The following TSC2 variants were observed in gnomAD, a reference collection of about 807,000 sequenced individuals.
The protein encoded by TSC2 is tuberin.
TSC2 carries 29 observed loss-of-function variants against 202.2 expected under a neutral mutation model. The ratio of observed to expected loss-of-function variants is 0.14; its 90% CI spans 0.11 to 0.20. TSC2 has a LOEUF of 0.20. TSC2 is among the 10% of genes least tolerant of loss of function. The probability of loss-of-function intolerance (pLI) is 1.00; values close to 1 mark genes in which losing one functional copy is unlikely to be tolerated. For synonymous variants in TSC2, 1,349 were observed against 1,044.0 expected, an observed-to-expected ratio of 1.29 and a Z score of -5.63; for missense variants, 2,429 against 2,420.0, an observed-to-expected ratio of 1.00 and a Z score of -0.08.
intron 16 of TSC2, among the ~76,000 whole-genome samples, chr16:2,070,077 G>A (rs1376400386): frequency 1.3e-5 from 2 of 152,220 alleles, no homozygotes; most frequent in African/African-American, 2.4e-5. Context: ...GGAGGCAACA[G>A]ATGCTCTTCA....
chr16:2,074,580 C>G (rs887506427), intron 22 of TSC2, 191 bp downstream of exon 22: 3 of 689,346 alleles, frequency 4.4e-6, no homozygotes, highest in African/African-American at 3.5e-5. Context: ...GGCGGCTCCT[C>G]TCACCCCTCT....
chr16:2,052,499 A>G (rs2085258246), intron 3 of TSC2, among the ~76,000 whole-genome samples: 1 of 152,142 alleles, frequency 6.6e-6, no homozygotes, highest in Non-Finnish European at 1.5e-5. Flanking sequence ...TTGTCGTGAC[A>G]GGGTCTCACT....
At chr16:2,067,833 G>A (rs570621273) in intron 16 of TSC2, among the ~76,000 whole-genome samples, 1 of 152,294 alleles carries the variant, frequency 6.6e-6, no homozygotes, top group African/African-American at 2.4e-5. Flanking sequence ...TGAGCACCAT[G>A]CTCTTTACTG....
rs184559191 is a variant in TSC2 at position 2,073,621 on chromosome 16, A to T, written c.2356-579A>T. On this transcript the variant is annotated intron_variant, in intron 21 of 41. Coordinates refer to ENST00000219476, the MANE Select transcript of TSC2 (RefSeq NM_000548.5). The stretch of plus-strand genomic sequence containing the variant: ...GTTCCCATCCCTCAGGCTCAGCCCC[A>T]CCCTGTTGGGCCCCTTCAGCCCCTC... Among the ~76,000 whole-genome samples the T allele has an allele frequency of 2.0e-3, 300 of 152,088 alleles. 2 individuals carry two copies. The highest frequency in any genetic ancestry group is 7.0e-3 in the African/African-American group (289 of 41,446).
Position 2,065,818 on chromosome 16 carries a change from A to G in TSC2, c.1716+183A>G, listed in dbSNP as rs8063461. Among the ~76,000 whole-genome samples the G allele has an allele frequency of 0.57, 86,119 of 152,016 alleles. 25,506 individuals carry two copies. The highest frequency in any genetic ancestry group is 0.84 in the East Asian group (4,350 of 5,164). On this transcript the variant is annotated intron_variant, in intron 16 of 41. Coordinates refer to ENST00000219476, the MANE Select transcript of TSC2 (RefSeq NM_000548.5). Reference sequence around the variant, plus strand: ...CCTGCTCTTGTGGAGGGATGGATGCAAGAGGCCCCGTTGTACGCCCTGACC... The same window carrying G: ...CCTGCTCTTGTGGAGGGATGGATGCGAGAGGCCCCGTTGTACGCCCTGACC...
In TSC2 at chr16:2,075,845, G is replaced by C. The variant is rs763099064; in HGVS notation, c.2592G>C (p.Gln864His). Residue 864 changes from glutamine to histidine, a missense_variant, in exon 23 of 42, where the codon CAG becomes CAC. By Grantham distance (24) the Gln-to-His change is conservative. Transcript: ENST00000219476. ...PHLYRNFAAEQYASVFAISLP... is the reference protein window; with the variant it reads ...PHLYRNFAAEHYASVFAISLP... ...TCTACAGGAACTTTGCCGCGGAGCA[G>C]TATGCCAGTGTGTTCGCCATCTCCC... 2.5e-6 allele frequency: 4 copies of C among 1,612,992 alleles called. No individual in the cohort carries two copies. In the Admixed American group the frequency reaches 5.0e-5, roughly 20 times the overall value.
chr16:2,078,387 C>G, intron 26 of TSC2: 1 of 164,430 alleles, frequency 6.1e-6, no homozygotes, highest in South Asian at 1.7e-4. Flanking sequence ...GGCCCTCAGT[C>G]CATCCACCTC....
At chr16:2,056,597 G>A (rs1023481068) in intron 7 of TSC2, 47 bp from the exon 8 acceptor site, 1 of 1,601,098 alleles carries the variant, frequency 6.2e-7, no homozygotes, top group African/African-American at 1.3e-5. Context: ...TCTCCTGTGG[G>A]GAGGAGCTGG....
intron 30 of TSC2, 200 bp downstream of exon 30, chr16:2,080,577 G>C: frequency 1.6e-6 from 1 of 642,798 alleles, no homozygotes; most frequent in East Asian, 2.9e-5. Flanking sequence ...TCCACCTCCC[G>C]GGTTCACGCC....
Position 2,062,997 on chromosome 16 carries a change from A to G in TSC2, c.1387A>G (p.Ile463Val), listed in dbSNP as rs45517171. 1.0e-3 allele frequency: 1,593 copies of G among 1,551,272 alleles called. No individual in the cohort carries two copies. Among genetic ancestry groups the G allele is most frequent in the Non-Finnish European group, 1.3e-3 (1,446 of 1,146,876 alleles). ...FRSESRGAVR[I>V]KVLDVLSFVL... Reference sequence around the variant, plus strand: ...GAGCGAGTCCCGAGGCGCCGTGCGCATCAAGGTGCTGGACGTGCTGTCCTT... The same window carrying G: ...GAGCGAGTCCCGAGGCGCCGTGCGCGTCAAGGTGCTGGACGTGCTGTCCTT... Residue 463 changes from isoleucine (I) to valine (V), a missense_variant, in exon 14 of 42, where the codon ATC (isoleucine) becomes GTC (valine). By Grantham distance (29) the Ile-to-Val change is conservative. Transcript: ENST00000219476.
intron 20 of TSC2, 79 bp from the exon 21 acceptor site, chr16:2,072,770 C>T (rs2088669625): frequency 6.2e-7 from 1 of 1,607,328 alleles, no homozygotes; most frequent in African/African-American, 1.3e-5. Flanking sequence ...GCCTGCGTTC[C>T]CAGGGCCTCC....
chr16:2,076,285 T>C (rs771346195), intron 24 of TSC2, 115 bp downstream of exon 24: 8 of 1,568,168 alleles, frequency 5.1e-6, no homozygotes, highest in South Asian at 3.5e-5. Flanking sequence ...GGAGGGTGTT[T>C]GGGGCTGTGC....
At chr16:2,060,242 G>T (rs2086462096) in intron 10 of TSC2, among the ~76,000 whole-genome samples, 1 of 152,212 alleles carries the variant, frequency 6.6e-6, no homozygotes, top group Non-Finnish European at 1.5e-5. Context: ...CGTCGTCCTG[G>T]TTTTATAGTG....
At chr16:2,087,224 GCAC>G (rs1268826484) in intron 38 of TSC2, 3 of 392,416 alleles carry the variant, frequency 7.6e-6, no homozygotes, top group South Asian at 6.4e-5. Context: ...TTATCGCCAC[GCAC>G]CACTAGGCAG....
chr16:2,072,406 GT>G, intron 20 of TSC2, 43 bp downstream of exon 20: 1 of 1,611,532 alleles, frequency 6.2e-7, no homozygotes. Flanking sequence ...ACCCAGTAGG[GT>G]TTTTCCCCAA....
chr16:2,058,481 G>A (rs1319730868), intron 9 of TSC2, among the ~76,000 whole-genome samples: 1 of 152,238 alleles, frequency 6.6e-6, no homozygotes, highest in Non-Finnish European at 1.5e-5. Flanking sequence ...GAGGCTGTGG[G>A]CCATCCCTCT....
intron 4 of TSC2, chr16:2,053,750 TG>T (rs1567396934): frequency 1.7e-6 from 1 of 578,368 alleles, no homozygotes; most frequent in Non-Finnish European, 3.3e-6. Flanking sequence ...TGGCAGCTGG[TG>T]TGGGGCTACG....
rs45478593 is a variant in TSC2 at position 2,062,515 on chromosome 16, C to T, written c.1276C>T (p.Leu426=). The stretch of plus-strand genomic sequence containing the variant: ...TTGACAGGAGTCCTCCCTCCTGAAC[C>T]TGATCTCCTATAGAGCGCAGTCCAT... ...DQRPESSLLN[L]ISYRAQSIHP... Residue 426 remains leucine, a synonymous_variant, in exon 13 of 42, where the codon CTG becomes TTG. Coordinates refer to ENST00000219476, the MANE Select transcript of TSC2 (RefSeq NM_000548.5). 2.3e-3 allele frequency: 3,729 copies of T among 1,611,650 alleles called. 9 individuals carry two copies. The highest frequency in any genetic ancestry group is 3.0e-3 in the Non-Finnish European group (3,582 of 1,178,868).
chr16:2,060,425 G>A (rs529098484), intron 10 of TSC2, among the ~76,000 whole-genome samples: 1 of 152,234 alleles, frequency 6.6e-6, no homozygotes, highest in Admixed American at 6.5e-5. Context: ...TTCAGTTGCT[G>A]GTCTGTCCGA....
Sources: gnomAD v4.1 joint callset for allele counts (sites outside exome capture counted in the v4.1 genomes callset) on GRCh38, gnomAD v4.1.1 for gene constraint, MANE v1.5 for transcripts, NCBI Gene and HGNC (gene_info 2026-07-23, HGNC 2026-07-21) for gene names.